ADGRL3: variants seen among roughly 807,000 people sequenced by gnomAD.
ADGRL3 encodes the protein adhesion G protein-coupled receptor L3.
In ADGRL3, 62 loss-of-function variants were observed where a neutral mutation model predicts 153.5. The observed-to-expected ratio is 0.40, with a 90% confidence interval of 0.33 to 0.50. The LOEUF is 0.50. Among genes scored for constraint, ADGRL3 ranks in the 20% least tolerant of loss-of-function variants. ADGRL3 has a pLI of 0.47. For missense variants in ADGRL3, 1,641 were observed against 1,859.4 expected, an observed-to-expected ratio of 0.88 and a Z score of 2.16; for synonymous variants, 710 against 672.5, an observed-to-expected ratio of 1.06 and a Z score of -0.86.
chr4:62,071,654 T>A lies in ADGRL3; in HGVS notation c.*746T>A. On this transcript the variant is annotated 3_prime_UTR_variant, in exon 27 of 27. Coordinates refer to ENST00000683033, the MANE Select transcript of ADGRL3 (RefSeq NM_001387552.1). ...ATGTAGTAGAAAAAAAAAAAAGAAA[T>A]TTTCTTTTTCTTTTGTGCTGGTCTT... The A allele has an allele frequency of 2.7e-6, 1 of 377,276 alleles. No individual in the cohort carries two copies. Among genetic ancestry groups the A allele is most frequent in the Non-Finnish European group, 5.1e-6 (1 of 196,660 alleles). The allele number at this position is 377,276 out of a possible 1,614,324, so 23.4% of individuals were successfully genotyped here. A position where few individuals can be genotyped will look rare whatever the true frequency, so the allele number is the denominator to read the frequency against.
At chr4:62,063,768 C>A in intron 25 of ADGRL3, 1 of 468,852 alleles carries the variant, frequency 2.1e-6, no homozygotes, top group Non-Finnish European at 3.8e-6. Flanking sequence ...CGCATTCCAC[C>A]CCTCTTGGTG....
chr4:61,745,512 C>G, intron 8 of ADGRL3, among the ~76,000 whole-genome samples: 2 of 152,262 alleles, frequency 1.3e-5, no homozygotes, highest in South Asian at 4.1e-4. Flanking sequence ...GCTGATCTCT[C>G]GGCAGAAACT....
At chr4:61,925,398 A>G (rs1306825867) in intron 13 of ADGRL3, among the ~76,000 whole-genome samples, 1 of 152,136 alleles carries the variant, frequency 6.6e-6, no homozygotes, top group Admixed American at 6.6e-5. Flanking sequence ...GGCTTTAATA[A>G]GCCTACTTAA....
intron 1 of ADGRL3, among the ~76,000 whole-genome samples, chr4:61,346,240 GTCTCTC>G (rs141859178): frequency 5.4e-5 from 8 of 146,962 alleles, no homozygotes; most frequent in African/African-American, 2.0e-4. Context: ...AACATATTGA[GTCTCTC>G]TCTCTCTCTC....
At chr4:62,048,958 C>T (rs994701670) in intron 25 of ADGRL3, among the ~76,000 whole-genome samples, 2 of 151,978 alleles carry the variant, frequency 1.3e-5, no homozygotes, top group Non-Finnish European at 2.9e-5. Context: ...TTAAATATTT[C>T]TACTTTTTTA....
chr4:61,331,272 C>T lies in ADGRL3; in HGVS notation c.-239-51852C>T, dbSNP rs1212861916. Among the ~76,000 whole-genome samples the T allele has an allele frequency of 3.3e-5, 5 of 152,212 alleles. No individual in the cohort carries two copies. In the East Asian group the frequency reaches 9.7e-4, roughly 29 times the overall value. ...ACACGTTGTAAATTTTAACATAGGT[C>T]ATCAACTTAATCATCAGAAAGGTTA... On this transcript the variant is annotated intron_variant, in intron 1 of 26. Transcript: ENST00000683033.
At chr4:61,382,487 T>G (rs566141778) in intron 1 of ADGRL3, among the ~76,000 whole-genome samples, 35 of 151,732 alleles carry the variant, frequency 2.3e-4, no homozygotes, top group Non-Finnish European at 3.2e-4. Context: ...TATTATTTGT[T>G]TAATAAAATT....
chr4:61,713,369 T>C (rs4283700), intron 6 of ADGRL3, among the ~76,000 whole-genome samples: 106,243 of 151,794 alleles, frequency 0.7, 38,061 homozygotes, highest in East Asian at 0.94. Context: ...AATCAGCAAG[T>C]ATTTATTGTG....
intron 25 of ADGRL3, among the ~76,000 whole-genome samples, chr4:62,054,228 G>T (rs955302455): frequency 6.6e-6 from 1 of 151,626 alleles, no homozygotes; most frequent in African/African-American, 2.4e-5. Context: ...CTATGCAAAA[G>T]AATTCAAAAT....
intron 1 of ADGRL3, among the ~76,000 whole-genome samples, chr4:61,357,229 A>T (rs2096191629): frequency 6.6e-6 from 1 of 152,108 alleles, no homozygotes; most frequent in Non-Finnish European, 1.5e-5. Context: ...AATGATTAAT[A>T]TATGTTTTGA....
Position 61,201,091 on chromosome 4 carries a change from C to T in ADGRL3, c.-914C>T, listed in dbSNP as rs1039187014. On this transcript the variant is annotated 5_prime_UTR_variant, in exon 1 of 27. Transcript: ENST00000683033. ...GGACGGTTTGGCGGAGAAGCCACCC[C>T]TGGCCCTCGCGGCTCCCCCTACCTA... 6.6e-6 allele frequency among the ~76,000 whole-genome samples: 1 copy of T among 152,116 alleles called. No individual in the cohort carries two copies.
At chr4:61,426,160 G>GC (rs2152379301) in intron 2 of ADGRL3, among the ~76,000 whole-genome samples, 1 of 152,350 alleles carries the variant, frequency 6.6e-6, no homozygotes, top group South Asian at 2.1e-4. Context: ...TTGCCACATG[G>GC]CGTGGCTCCA....
chr4:61,271,500 A>C (rs1057494555), intron 1 of ADGRL3, among the ~76,000 whole-genome samples: 3 of 151,974 alleles, frequency 2.0e-5, no homozygotes, highest in Non-Finnish European at 2.9e-5. Context: ...TATGAGATTG[A>C]TTTTGTAGCA....
At chr4:61,775,851 G>T in intron 8 of ADGRL3, 1 of 505,974 alleles carries the variant, frequency 2.0e-6, no homozygotes, top group South Asian at 4.0e-5. Flanking sequence ...CCTCGGCCAT[G>T]GCGGTGGGTT....
At chr4:61,736,902 T>C (rs573552900) in intron 8 of ADGRL3, among the ~76,000 whole-genome samples, 15 of 152,310 alleles carry the variant, frequency 9.8e-5, no homozygotes, top group African/African-American at 3.1e-4. Context: ...AAGCTAGTGC[T>C]TTAGCATGGA....
chr4:61,548,442 T>C (rs1456074395), intron 4 of ADGRL3, among the ~76,000 whole-genome samples: 3 of 152,130 alleles, frequency 2.0e-5, no homozygotes, highest in Non-Finnish European at 4.4e-5. Context: ...TAATCCATCT[T>C]TAGTTGATTT....
chr4:61,768,524 A>G lies in ADGRL3; in HGVS notation c.1399+34970A>G, dbSNP rs371755096. On this transcript the variant is annotated intron_variant, in intron 8 of 26. Transcript: ENST00000683033. ...GCCTGGACTTCAGGCACCTCAGACC[A>G]TTTGCCCATTTTACGACAAGAATTA... is the stretch of plus-strand genomic sequence containing the variant. Among the ~76,000 whole-genome samples the G allele has an allele frequency of 4.5e-4, 69 of 152,202 alleles. 2 individuals carry two copies. The East Asian group carries it at 0.012, about 26-fold the overall frequency.
At chr4:61,884,716 C>T (rs927858007) in intron 9 of ADGRL3, among the ~76,000 whole-genome samples, 2 of 151,842 alleles carry the variant, frequency 1.3e-5, no homozygotes, top group African/African-American at 4.8e-5. Flanking sequence ...CCTCTGCCCG[C>T]GGGGTTCAAG....
intron 8 of ADGRL3, 57 bp downstream of exon 8, chr4:61,733,611 A>C (rs961685658): frequency 2.3e-5 from 28 of 1,232,896 alleles, no homozygotes; most frequent in Non-Finnish European, 4.6e-6. Context: ...TGTTCTCAGC[A>C]AGTTCATTTT....
Sources: gnomAD v4.1 joint callset for allele counts (sites outside exome capture counted in the v4.1 genomes callset) on GRCh38, gnomAD v4.1.1 for gene constraint, MANE v1.5 for transcripts, NCBI Gene and HGNC (gene_info 2026-07-23, HGNC 2026-07-21) for gene names.